The following FGF3 variants were observed in gnomAD, a reference collection of about 807,000 sequenced individuals.
The protein encoded by FGF3 is FGF-3.
FGF3 carries 7 observed loss-of-function variants against 9.8 expected under a neutral mutation model. The ratio of observed to expected loss-of-function variants is 0.72; its 90% CI spans 0.41 to 1.35. FGF3 has a LOEUF of 1.35. Ranked by LOEUF, FGF3 falls within the 40% of genes most tolerant of loss-of-function variation. The pLI is 0.01. For synonymous variants in FGF3, 173 were observed against 157.2 expected, an observed-to-expected ratio of 1.10 and a Z score of -0.75; for missense variants, 390 against 345.6, an observed-to-expected ratio of 1.13 and a Z score of -1.02.
chr11:69,819,168 C>G lies in FGF3; in HGVS notation c.-235G>C, dbSNP rs540215866. ...GAGGGAACGCGAGTCCCTTTAATTT[C>G]CACCCAGGAGCAATGAAATTTCCGT... On this transcript the variant is annotated 5_prime_UTR_variant, in exon 1 of 3. Transcript: ENST00000334134. The G allele has an allele frequency of 5.9e-5, 23 of 390,970 alleles. No homozygotes were observed. The highest frequency in any genetic ancestry group is 4.8e-4 in the African/African-American group (23 of 47,814). 24.2% of individuals were successfully genotyped at this position (390,970 alleles called of 1,614,324 possible).
At chr11:69,813,743 GCT>G (rs1554980739) in intron 2 of FGF3, among the ~76,000 whole-genome samples, 48 of 136,388 alleles carry the variant, frequency 3.5e-4, no homozygotes, top group African/African-American at 1.3e-3. Context: ...TGGGTGGATG[GCT>G]GGATGGATGG....
rs1856189451 is a variant in FGF3 at position 69,818,852 on chromosome 11, C to T, written c.82G>A (p.Asp28Asn). The change falls in exon 1 of 3, where the codon GAT (aspartate) becomes AAT (asparagine). Residue 28 changes from aspartate (D) to asparagine (N), a missense_variant. By Grantham distance (23) the Asp-to-Asn change is conservative. Transcript: ENST00000334134. ...TAGACGCCGCCACGGCCGCCCGCAT[C>T]GCGCCGCAACCGCGCCCCAGGGCCC... ...AAGPGARLRR[D>N]AGGRGGVYEH... 2.0e-6 allele frequency: 3 copies of T among 1,467,310 alleles called. No homozygotes were observed. Among genetic ancestry groups the T allele is most frequent in the Non-Finnish European group, 9.0e-7 (1 of 1,116,042 alleles). The allele number at this position is 1,467,310 out of a possible 1,614,324, so 90.9% of individuals were successfully genotyped here.
intron 2 of FGF3, among the ~76,000 whole-genome samples, chr11:69,813,844 T>TTGGC (rs1565115090): frequency 8.0e-3 from 206 of 25,724 alleles, no homozygotes; most frequent in East Asian, 0.013. Flanking sequence ...GGATGGCTGG[T>TTGGC]TGGATGGATG....
rs145080353 is a variant in FGF3, at chr11:69,816,039, G to A, written c.324+281C>T. ...CTGCTCTCAGCTACTCTCAAGGGAG[G>A]GTGGTAGTGATGACAAGGATGGGGG... On this transcript the variant is annotated intron_variant, in intron 2 of 2. Coordinates refer to ENST00000334134, the MANE Select transcript of FGF3 (RefSeq NM_005247.4). 6.2e-3 allele frequency among the ~76,000 whole-genome samples: 943 copies of A among 152,268 alleles called. 14 individuals are homozygous for A. The highest frequency in any genetic ancestry group is 0.022 in the African/African-American group (904 of 41,550).
intron 1 of FGF3, 40 bp from the exon 2 acceptor site, chr11:69,816,463 C>G (rs879953311): frequency 6.5e-7 from 1 of 1,539,280 alleles, no homozygotes; most frequent in Non-Finnish European, 9.0e-7. Flanking sequence ...GCCGCCCCCA[C>G]GGAGGGGGCG....
chr11:69,817,706 C>G (rs1286085068), intron 1 of FGF3, among the ~76,000 whole-genome samples: 3 of 152,212 alleles, frequency 2.0e-5, no homozygotes, highest in African/African-American at 7.2e-5. Flanking sequence ...CTTCAAGCGG[C>G]GGAACCGCTT....
At chr11:69,815,000 C>T (rs1457164648) in intron 2 of FGF3, among the ~76,000 whole-genome samples, 1 of 152,028 alleles carries the variant, frequency 6.6e-6, no homozygotes, top group African/African-American at 2.4e-5. Flanking sequence ...GACTGAATGT[C>T]AGATGGATAG....
At chr11:69,812,359 T>C (rs537815393) in intron 2 of FGF3, among the ~76,000 whole-genome samples, 2 of 152,058 alleles carry the variant, frequency 1.3e-5, no homozygotes, top group South Asian at 2.1e-4. Flanking sequence ...TTCAGCGACA[T>C]GAAAGCCCAG....
chr11:69,813,124 G>T (rs1196819385), intron 2 of FGF3, among the ~76,000 whole-genome samples: 1 of 152,212 alleles, frequency 6.6e-6, no homozygotes, highest in Non-Finnish European at 1.5e-5. Context: ...TCCACCCCAT[G>T]AAGGGTGGGG....
In FGF3 at chr11:69,818,726, TCTCCAGGCTGCCGTTGACGCGGCCG is replaced by T; in HGVS notation, c.183_207del (p.Ser61ArgfsTer10). The T allele has an allele frequency of 6.7e-7, 1 of 1,491,584 alleles. No individual in the cohort carries two copies. Among genetic ancestry groups the T allele is most frequent in the Non-Finnish European group, 8.9e-7 (1 of 1,127,304 alleles). The allele number at this position is 1,491,584 out of a possible 1,614,324, so 92.4% of individuals were successfully genotyped here. The stretch of plus-strand genomic sequence containing the variant: ...GTCCGGCACTCACTGTAGGCGCTGT[TCTCCAGGCTGCCGTTGACGCGGCCG>T]CTCGGGTGCAGCTGGAGGTGGTACT... On this transcript the variant is annotated frameshift_variant, in exon 1 of 3. Transcript: ENST00000334134. LOFTEE classifies it high-confidence loss of function.
intron 1 of FGF3, chr11:69,817,503 G>C (rs917228071): frequency 2.6e-4 from 40 of 152,304 alleles, no homozygotes; most frequent in African/African-American, 8.9e-4. Context: ...TTTGGATGCT[G>C]TGCGACTCCG....
rs548944786 is a variant in FGF3 at position 69,812,661 on chromosome 11, C to T, written c.325-1961G>A. Among the ~76,000 whole-genome samples the T allele has an allele frequency of 2.0e-5, 3 of 152,232 alleles. No homozygotes were observed. The South Asian group carries it at 6.2e-4, about 32-fold the overall frequency. ...AGCGGGTGGGCTCAGGGCCGACTTC[C>T]CCACCCCACACACTGGGTACACCAT... On this transcript the variant is annotated intron_variant, in intron 2 of 2. Transcript: ENST00000334134.
chr11:69,810,092 A>C lies in FGF3; in HGVS notation c.*213T>G, dbSNP rs1855997715. On this transcript the variant is annotated 3_prime_UTR_variant, in exon 3 of 3. Transcript: ENST00000334134. ...TCCCTGCCGGCTTCCTGCCACACAG[A>C]CCCACAAATGCCCTGCATTGCAGGC... 1.9e-6 allele frequency: 1 copy of C among 524,590 alleles called. No individual in the cohort carries two copies. The highest frequency in any genetic ancestry group is 3.3e-6 in the Non-Finnish European group (1 of 301,356). The allele number at this position is 524,590 out of a possible 1,614,324, so 32.5% of individuals were successfully genotyped here. A position where few individuals can be genotyped will look rare whatever the true frequency, so the allele number is the denominator to read the frequency against.
chr11:69,815,436 C>A (rs1172599241), intron 2 of FGF3, among the ~76,000 whole-genome samples: 1 of 152,128 alleles, frequency 6.6e-6, no homozygotes, highest in Non-Finnish European at 1.5e-5. Context: ...GCTTTCTGGA[C>A]CTTCCTTTAG....
At chr11:69,812,835 T>G (rs576517778) in intron 2 of FGF3, among the ~76,000 whole-genome samples, 16 of 151,702 alleles carry the variant, frequency 1.1e-4, no homozygotes, top group Non-Finnish European at 2.4e-4. Flanking sequence ...ACTTGAGGGG[T>G]GGGTCACTGA....
At position 69,810,503 on chromosome 11, in the gene FGF3, C is replaced by A. The variant is rs782745138; in HGVS notation, c.522G>T (p.Lys174Asn). Residue 174 changes from lysine (K) to asparagine (N), a missense_variant, in exon 3 of 3, where the codon AAG (lysine) becomes AAT (asparagine). Coordinates refer to ENST00000334134, the MANE Select transcript of FGF3 (RefSeq NM_005247.4). ...GCACGCGGGGCAGGAACAGGGAGGA[C>A]TTCTGTGTGCGGCGGGTCTTGAAGC... is the stretch of plus-strand genomic sequence containing the variant. Reference protein sequence around the residue: ...RRGFKTRRTQKSSLFLPRVLD... With the variant: ...RRGFKTRRTQNSSLFLPRVLD... 1 of 1,610,882 alleles carries A rather than the reference C, an allele frequency of 6.2e-7. No individual in the cohort carries two copies. The highest frequency in any genetic ancestry group is 1.1e-5 in the South Asian group (1 of 90,628).
chr11:69,817,973 C>G (rs1856167822), intron 1 of FGF3, among the ~76,000 whole-genome samples: 1 of 152,238 alleles, frequency 6.6e-6, no homozygotes, highest in Non-Finnish European at 1.5e-5. Flanking sequence ...TCTGCACCCC[C>G]AGGCCCGGGC....
chr11:69,810,786 C>T, intron 2 of FGF3, 86 bp from the exon 3 acceptor site: 1 of 1,264,776 alleles, frequency 7.9e-7, no homozygotes, highest in Non-Finnish European at 1.1e-6. Flanking sequence ...TCCCTCCCCT[C>T]CTGTGAGGCT....
At position 69,818,942 on chromosome 11, in the gene FGF3, C is replaced by G. The variant is rs1554981465; in HGVS notation, c.-9G>C. The G allele has an allele frequency of 6.9e-7, 1 of 1,455,924 alleles. No individual in the cohort carries two copies. The highest frequency in any genetic ancestry group is 9.0e-7 in the Non-Finnish European group (1 of 1,107,272). 90.2% of individuals were successfully genotyped at this position (1,455,924 alleles called of 1,614,324 possible). A position where few individuals can be genotyped will look rare whatever the true frequency, so the allele number is the denominator to read the frequency against. On this transcript the variant is annotated 5_prime_UTR_variant, in exon 1 of 3. Transcript: ENST00000334134. ...AGCCAGATTAGGCCCATCGTGGCAT[C>G]GCGCCCGCCCCGCGGCGGCGGCGGC...
Sources: allele counts gnomAD v4.1 joint callset (sites outside exome capture counted in the v4.1 genomes callset), GRCh38; gene constraint gnomAD v4.1.1; transcripts MANE v1.5; gene names NCBI Gene and HGNC (gene_info 2026-07-23, HGNC 2026-07-21).